MCM3: variants seen among roughly 807,000 people sequenced by gnomAD.
MCM3 encodes the protein DNA replication licensing factor MCM3.
Under a neutral mutation model 91.3 loss-of-function variants are expected in MCM3, and 59 were observed. That is an observed-to-expected ratio of 0.65 (90% CI 0.52 to 0.80). The LOEUF (loss-of-function observed/expected upper bound fraction) is 0.80, where lower values mean the gene tolerates loss of function less well. MCM3 is among the 30% of genes least tolerant of loss of function. MCM3 has a pLI of 0.00. For missense variants in MCM3, 919 were observed against 1,035.4 expected, an observed-to-expected ratio of 0.89 and a Z score of 1.54; for synonymous variants, 383 against 379.6, an observed-to-expected ratio of 1.01 and a Z score of -0.10.
At chr6:52,283,839 T>C (rs1766384150) in intron 1 of MCM3, among the ~76,000 whole-genome samples, 4 of 152,248 alleles carry the variant, frequency 2.6e-5, no homozygotes, top group Admixed American at 6.5e-5. Context: ...TTTCACCATG[T>C]ATATCAAAAC....
In MCM3 at chr6:52,264,761, A is replaced by G. The variant is rs1764508262; in HGVS notation, c.2254T>C (p.Leu752=). The change falls in exon 17 of 17, where the codon TTG becomes CTG. Residue 752 remains leucine (L), a synonymous_variant. Coordinates refer to ENST00000596288, the MANE Select transcript of MCM3 (RefSeq NM_002388.6). ...SRLKAFKVAL[L]DVFREAHAQS... ...GCATGAGCTTCCCGGAACACATCCAAGAGGGCCACCTTGAATGCCTTCAAC... is the reference window on the plus strand; with the variant it reads ...GCATGAGCTTCCCGGAACACATCCAGGAGGGCCACCTTGAATGCCTTCAAC... 4 of 1,613,984 alleles carry G rather than the reference A, an allele frequency of 2.5e-6. No homozygotes were observed. The highest frequency in any genetic ancestry group is 2.5e-6 in the Non-Finnish European group (3 of 1,180,054).
chr6:52,276,906 A>T (rs1375956593), intron 8 of MCM3, among the ~76,000 whole-genome samples, 161 bp downstream of exon 8: 2 of 152,232 alleles, frequency 1.3e-5, no homozygotes, highest in Non-Finnish European at 2.9e-5. Flanking sequence ...ATGAACACCA[A>T]AGACTTAAAT....
At chr6:52,271,137 C>G (rs112187984) in intron 12 of MCM3, among the ~76,000 whole-genome samples, 1 of 151,170 alleles carries the variant, frequency 6.6e-6, no homozygotes, top group Non-Finnish European at 1.5e-5. Context: ...CAGACCATGC[C>G]ACTGCACTCC....
intron 9 of MCM3, among the ~76,000 whole-genome samples, 175 bp from the exon 10 acceptor site, chr6:52,274,091 T>C (rs1487006896): frequency 1.3e-5 from 2 of 152,226 alleles, no homozygotes; most frequent in African/African-American, 4.8e-5. Flanking sequence ...AATCATCTCT[T>C]CTACCTGCAA....
chr6:52,274,828 G>A (rs756029910), intron 9 of MCM3, among the ~76,000 whole-genome samples: 8 of 151,868 alleles, frequency 5.3e-5, no homozygotes, highest in Non-Finnish European at 7.4e-5. Context: ...CAACCTTTAG[G>A]TAATAATGAT....
Position 52,264,272 on chromosome 6 carries a change from C to G in MCM3, c.*316G>C. On this transcript the variant is annotated 3_prime_UTR_variant, in exon 17 of 17. Transcript: ENST00000596288. ...AAACAGTTGTGCCCCCAAAAGTACTCAGAAGTCATATGTTATTTACAATTG... is the reference window on the plus strand; with the variant it reads ...AAACAGTTGTGCCCCCAAAAGTACTGAGAAGTCATATGTTATTTACAATTG... 1 of 293,872 alleles carries G rather than the reference C, an allele frequency of 3.4e-6. No individual in the cohort carries two copies. Among genetic ancestry groups the G allele is most frequent in the South Asian group, 4.2e-5 (1 of 23,934 alleles). The allele number at this position is 293,872 out of a possible 1,614,324, so 18.2% of individuals were successfully genotyped here. A position where few individuals can be genotyped will look rare whatever the true frequency, so the allele number is the denominator to read the frequency against.
intron 16 of MCM3, 128 bp downstream of exon 16, chr6:52,265,947 T>A (rs6925229): frequency 1.6e-6 from 1 of 642,524 alleles, no homozygotes; most frequent in Non-Finnish European, 2.7e-6. Flanking sequence ...TGTTAAAAGC[T>A]GCAGGCCTCT....
intron 12 of MCM3, among the ~76,000 whole-genome samples, chr6:52,271,403 G>A (rs1436593944): frequency 6.6e-6 from 1 of 152,146 alleles, no homozygotes; most frequent in African/African-American, 2.4e-5. Context: ...AGCACTTTGG[G>A]AGGCCAAGCC....
intron 14 of MCM3, among the ~76,000 whole-genome samples, chr6:52,267,055 A>T (rs994569674): frequency 4.6e-5 from 7 of 151,226 alleles, no homozygotes; most frequent in African/African-American, 1.7e-4. Context: ...AAAAGCACAC[A>T]AGAAGGACTC....
Position 52,279,441 on chromosome 6 carries a change from C to A in MCM3, c.690G>T (p.Lys230Asn), listed in dbSNP as rs1412946918. The change falls in exon 5 of 17, where the codon AAG (lysine) becomes AAT (asparagine). Residue 230 changes from lysine to asparagine, a missense_variant. Lys to Asn is a moderately conservative substitution (Grantham distance 94). Around this residue, in one of 3 missense-constraint regions of MCM3, gnomAD observed 401 missense variants for 402.7 expected, o/e 1.00. Transcript: ENST00000596288. ...CCACCACCTGAACCCGGTCACCAGGCTTCGCTTTATCCACCAAGTCATCAT... is the reference window on the plus strand; with the variant it reads ...CCACCACCTGAACCCGGTCACCAGGATTCGCTTTATCCACCAAGTCATCAT... ...ILDDDLVDKA[K>N]PGDRVQVVGT... The A allele has an allele frequency of 1.9e-6, 3 of 1,614,078 alleles. No homozygotes were observed. The highest frequency in any genetic ancestry group is 2.5e-6 in the Non-Finnish European group (3 of 1,180,056).
chr6:52,273,010 C>T (rs935732831), intron 11 of MCM3, among the ~76,000 whole-genome samples: 1 of 152,208 alleles, frequency 6.6e-6, no homozygotes, highest in African/African-American at 2.4e-5. Context: ...TAAGAAAAGA[C>T]CTGAACCTGC....
At chr6:52,278,121 AACAGGT>A (rs1415473096) in intron 6 of MCM3, among the ~76,000 whole-genome samples, 1 of 151,756 alleles carries the variant, frequency 6.6e-6, no homozygotes, top group East Asian at 1.9e-4. Context: ...GAAACACACA[AACAGGT>A]ACATTGTTCC....
rs1477822068 is a variant in MCM3, at chr6:52,282,847, G to C, written c.206C>G (p.Ala69Gly). The C allele has an allele frequency of 6.2e-7, 1 of 1,613,884 alleles. No individual in the cohort carries two copies. Among genetic ancestry groups the C allele is most frequent in the African/African-American group, 1.3e-5 (1 of 74,974 alleles). ...CTGGAAGGCAACCAGCTCCTCAAAG[G>C]CATTGTTCAGAAGCCTGTACATAAG... ...EKRANRLLNN[A>G]FEELVAFQRA... The change falls in exon 3 of 17, where the codon GCC (alanine) becomes GGC (glycine). Residue 69 changes from alanine (A) to glycine (G), a missense_variant. Physicochemically the swap from Ala to Gly is moderately conservative, Grantham distance 60 (BLOSUM62 0). Coordinates refer to ENST00000596288, the MANE Select transcript of MCM3 (RefSeq NM_002388.6).
At chr6:52,270,884 A>T (rs1255550943) in intron 12 of MCM3, among the ~76,000 whole-genome samples, 1 of 152,190 alleles carries the variant, frequency 6.6e-6, no homozygotes, top group Non-Finnish European at 1.5e-5. Flanking sequence ...ATATTCTAAA[A>T]TTTCAAAACA....
intron 1 of MCM3, among the ~76,000 whole-genome samples, chr6:52,284,072 CT>C (rs1215956547): frequency 6.6e-6 from 1 of 152,182 alleles, no homozygotes; most frequent in Non-Finnish European, 1.5e-5. Context: ...CATTCTATGG[CT>C]TTAAGTCTTG....
Position 52,264,634 on chromosome 6 carries a change from TC to T in MCM3, c.2380del (p.Asp794MetfsTer60), listed in dbSNP as rs1351397666. ...CTCAGACACCATGACCTGATTGTCA[TC>T]CTGCATCTTGCTCAGAGCAGCCTGG... ...EIQAALSKMQ[D>X]DNQVMVSEGI... is the part of the protein sequence containing the mutation. On this transcript the variant is annotated frameshift_variant, in exon 17 of 17. Coordinates refer to ENST00000596288, the MANE Select transcript of MCM3 (RefSeq NM_002388.6). LOFTEE classifies it high-confidence loss of function. The T allele has an allele frequency of 6.2e-7, 1 of 1,614,188 alleles. No homozygotes were observed. The highest frequency in any genetic ancestry group is 1.3e-5 in the African/African-American group (1 of 75,042).
chr6:52,265,323 T>C (rs1390461475), intron 16 of MCM3: 2 of 429,232 alleles, frequency 4.7e-6, no homozygotes, highest in African/African-American at 2.1e-5. Flanking sequence ...GAGGCTCAGG[T>C]AGAAGGACTG....
chr6:52,282,613 GTC>G (rs768527313), intron 3 of MCM3, 38 bp downstream of exon 3: 2 of 1,588,270 alleles, frequency 1.3e-6, no homozygotes, highest in Non-Finnish European at 1.7e-6. Context: ...CCATCTCCCT[GTC>G]TATTCATTTC....
chr6:52,277,013 G>A, intron 8 of MCM3, 54 bp downstream of exon 8: 1 of 1,578,772 alleles, frequency 6.3e-7, no homozygotes, highest in Non-Finnish European at 8.6e-7. Context: ...GCACACAAAG[G>A]ATCTATGCTC....
Sources: allele counts gnomAD v4.1 joint callset (sites outside exome capture counted in the v4.1 genomes callset), GRCh38; gene constraint gnomAD v4.1.1; regional missense constraint gnomAD v4.1.1; transcripts MANE v1.5; gene names NCBI Gene and HGNC (gene_info 2026-07-23, HGNC 2026-07-21).